Variants in SEPTIN8 observed in about 807,000 individuals in gnomAD.
SEPTIN8 encodes septin 8.
In SEPTIN8, 22 loss-of-function variants were observed where a neutral mutation model predicts 53.1. That is an observed-to-expected ratio of 0.41 (90% CI 0.30 to 0.59). The LOEUF is 0.59. Ranked by LOEUF, SEPTIN8 falls within the 20% of genes least tolerant of loss-of-function variation. SEPTIN8 has a pLI of 0.24. For synonymous variants in SEPTIN8, 228 were observed against 248.4 expected (o/e 0.92, Z 0.77); for missense variants, 536 against 638.7 (o/e 0.84, Z 1.73).
intron 4 of SEPTIN8, among the ~76,000 whole-genome samples, chr5:132,763,439 C>T (rs1756203586): frequency 6.6e-6 from 1 of 152,126 alleles, no homozygotes; most frequent in Admixed American, 6.5e-5. Context: ...GCGGGAGGGG[C>T]TGACAATGAG....
In SEPTIN8 at chr5:132,773,664, T is replaced by C. The variant is rs1036814945; in HGVS notation, c.30+3444A>G. 1.3e-5 allele frequency among the ~76,000 whole-genome samples: 2 copies of C among 152,208 alleles called. No homozygotes were observed. Among genetic ancestry groups the C allele is most frequent in the African/African-American group, 4.8e-5 (2 of 41,460 alleles). On this transcript the variant is annotated intron_variant, in intron 1 of 9. Coordinates refer to ENST00000378719, the MANE Select transcript of SEPTIN8 (RefSeq NM_001098811.2). The surrounding 1 kb of genome is among the most constrained non-coding windows in gnomAD (Gnocchi z 4.2). ...CTGCCCTCCTTGCCATCCAAGGTTT[T>C]TGACACAAGTCAGACCCTGGGTTCC... is the stretch of plus-strand genomic sequence containing the variant.
chr5:132,764,214 C>A lies in SEPTIN8; in HGVS notation c.347+10G>T. Reference sequence around the variant, plus strand: ...GGAGGCTGGGTGGGGCCGCCCTTCCCGCCTCTTGCCTCTCATCCTTATTGA... The same window carrying A: ...GGAGGCTGGGTGGGGCCGCCCTTCCAGCCTCTTGCCTCTCATCCTTATTGA... On this transcript the variant is annotated intron_variant, in intron 3 of 9. Transcript: ENST00000378719. 1 of 1,604,696 alleles carries A rather than the reference C, an allele frequency of 6.2e-7. No individual in the cohort carries two copies. Among genetic ancestry groups the A allele is most frequent in the Non-Finnish European group, 8.5e-7 (1 of 1,174,582 alleles).
chr5:132,777,633 G>A, upstream of SEPTIN8: 1 of 985,482 alleles, frequency 1.0e-6, no homozygotes, highest in Non-Finnish European at 1.2e-6. This position sits in a 1 kb window ranked among gnomAD's most constrained non-coding sequence, Gnocchi z 4.1. Flanking sequence ...CCACCAAGCC[G>A]TCTCCACCCG....
In SEPTIN8 at chr5:132,751,775, A is replaced by C; in HGVS notation, c.*241T>G. 1 of 626,654 alleles carries C rather than the reference A, an allele frequency of 1.6e-6. No individual in the cohort carries two copies. The highest frequency in any genetic ancestry group is 2.2e-5 in the South Asian group (1 of 45,390). The allele number at this position is 626,654 out of a possible 1,614,324, so 38.8% of individuals were successfully genotyped here. ...GACTTTTTTTTTTTTTTGGTCCCGG[A>C]GTGGAAGCTCAGCTTGGCCACAGGA... On this transcript the variant is annotated 3_prime_UTR_variant, in exon 10 of 10. Transcript: ENST00000378719.
chr5:132,765,174 A>G (rs1741031321), intron 2 of SEPTIN8, among the ~76,000 whole-genome samples: 1 of 152,138 alleles, frequency 6.6e-6, no homozygotes, highest in African/African-American at 2.4e-5. Flanking sequence ...CACAGTTTAC[A>G]AAGCACTTTC....
upstream of SEPTIN8, chr5:132,777,845 C>A (rs1467540037): frequency 1.6e-5 from 16 of 985,474 alleles, no homozygotes; most frequent in Non-Finnish European, 1.9e-5. This position sits in a 1 kb window ranked among gnomAD's most constrained non-coding sequence, Gnocchi z 4.1. Context: ...GACCAGCCTT[C>A]GGCTCCTTGT....
chr5:132,758,890 A>T, intron 9 of SEPTIN8: 1 of 1,469,406 alleles, frequency 6.8e-7, no homozygotes, highest in Non-Finnish European at 9.5e-7. Context: ...AGACCAAATC[A>T]AACAGAAGCA....
At chr5:132,768,328 A>G (rs150616419) in intron 1 of SEPTIN8, among the ~76,000 whole-genome samples, 1 of 152,268 alleles carries the variant, frequency 6.6e-6, no homozygotes, top group Admixed American at 6.5e-5. Flanking sequence ...GCACACACAC[A>G]CGTACACACA....
Position 132,765,518 on chromosome 5 carries a change from T to C in SEPTIN8, c.42A>G (p.Pro14=). Residue 14 remains proline (P), a synonymous_variant, in exon 2 of 10, where the codon CCA becomes CCG. Coordinates refer to ENST00000378719, the MANE Select transcript of SEPTIN8 (RefSeq NM_001098811.2). ...CGCCCAGGGAGAGGCTCCGGGGCTC[T>C]GGCTCTGCATTCTGCCAAGAGAGAA... ...TDLERFSNAE[P]EPRSLSLGGH... 1 of 1,598,854 alleles carries C rather than the reference T, an allele frequency of 6.3e-7. No individual in the cohort carries two copies. The highest frequency in any genetic ancestry group is 8.5e-7 in the Non-Finnish European group (1 of 1,174,244).
At chr5:132,774,631 G>A (rs1038057027) in intron 1 of SEPTIN8, among the ~76,000 whole-genome samples, 2 of 152,202 alleles carry the variant, frequency 1.3e-5, no homozygotes, top group African/African-American at 4.8e-5. Context: ...ACCATGCTAT[G>A]TGAGGACACA....
chr5:132,751,512 T>C lies in SEPTIN8; in HGVS notation c.*504A>G, dbSNP rs1377953797. On this transcript the variant is annotated 3_prime_UTR_variant, in exon 10 of 10. Transcript: ENST00000378719. ...TGATTCTGTTAGTAAGGCAAAATTA[T>C]GCAATGTGGAAATCTCATGGGGTTT... is the stretch of plus-strand genomic sequence containing the variant. The C allele has an allele frequency of 1.0e-5, 2 of 194,740 alleles. No homozygotes were observed. Among genetic ancestry groups the C allele is most frequent in the African/African-American group, 2.4e-5 (1 of 42,300 alleles). The allele number at this position is 194,740 out of a possible 1,614,324, so 12.1% of individuals were successfully genotyped here. A position where few individuals can be genotyped will look rare whatever the true frequency, so the allele number is the denominator to read the frequency against.
At chr5:132,756,936 G>C in intron 9 of SEPTIN8, 4 of 985,390 alleles carry the variant, frequency 4.1e-6, no homozygotes, top group Non-Finnish European at 4.8e-6. Flanking sequence ...TATGTTAGCT[G>C]AGAGAGGCTA....
chr5:132,779,545 C>T (rs1353883973), upstream of SEPTIN8, among the ~76,000 whole-genome samples: 3 of 152,354 alleles, frequency 2.0e-5, no homozygotes, highest in East Asian at 1.9e-4. Context: ...GACAAGACTT[C>T]GCTTCAGGAA....
chr5:132,761,004 A>G lies in SEPTIN8; in HGVS notation c.1096-12T>C. ...AACTTCTCATGGAGCTGGCATCAGAAAGGGGGCAGAAGATGCGGGGAGCAA... is the reference window on the plus strand; with the variant it reads ...AACTTCTCATGGAGCTGGCATCAGAGAGGGGGCAGAAGATGCGGGGAGCAA... On this transcript the variant is annotated splice_polypyrimidine_tract_variant and intron_variant, in intron 8 of 9. Transcript: ENST00000378719. The surrounding 1 kb of genome is among the most constrained non-coding windows in gnomAD (Gnocchi z 5.8). 6.3e-7 allele frequency: 1 copy of G among 1,580,484 alleles called. No homozygotes were observed. The highest frequency in any genetic ancestry group is 8.6e-7 in the Non-Finnish European group (1 of 1,163,124).
intron 9 of SEPTIN8, chr5:132,758,201 C>T (rs1755522923): frequency 1.7e-6 from 2 of 1,171,600 alleles, no homozygotes; most frequent in Non-Finnish European, 2.1e-6. Flanking sequence ...ATACTTTATA[C>T]ATAAGAAAGG....
At position 132,751,163 on chromosome 5, in the gene SEPTIN8, C is replaced by A; in HGVS notation, c.*853G>T. 1.5e-6 allele frequency: 1 copy of A among 655,352 alleles called. No homozygotes were observed. The allele number at this position is 655,352 out of a possible 1,614,324, so 40.6% of individuals were successfully genotyped here. A position where few individuals can be genotyped will look rare whatever the true frequency, so the allele number is the denominator to read the frequency against. The stretch of plus-strand genomic sequence containing the variant: ...GACATACGGAAGAGTGAAAAGGTAT[C>A]TTAAATCCAACACAGTTCCACCAGA... On this transcript the variant is annotated 3_prime_UTR_variant, in exon 10 of 10. Coordinates refer to ENST00000378719, the MANE Select transcript of SEPTIN8 (RefSeq NM_001098811.2).
At chr5:132,777,326 A>C (rs1285205842), upstream of SEPTIN8, 5 of 1,070,690 alleles carry the variant, frequency 4.7e-6, no homozygotes, top group Non-Finnish European at 5.6e-6. This position sits in a 1 kb window ranked among gnomAD's most constrained non-coding sequence, Gnocchi z 4.1. Flanking sequence ...CGCCCGCGGG[A>C]CCGGCCTCCC....
Position 132,777,127 on chromosome 5 carries a change from G to T in SEPTIN8, c.11C>A (p.Thr4Asn), listed in dbSNP as rs1256042437. The change falls in exon 1 of 10, where the codon ACC (threonine) becomes AAC (asparagine). Residue 4 changes from threonine to asparagine, a missense_variant. By Grantham distance (65) the Thr-to-Asn change is moderately conservative. Around this residue, in one of 3 missense-constraint regions of SEPTIN8, gnomAD observed 395 missense variants for 451.8 expected, o/e 0.87. Coordinates refer to ENST00000378719, the MANE Select transcript of SEPTIN8 (RefSeq NM_001098811.2). This position sits in a 1 kb window ranked among gnomAD's most constrained non-coding sequence, Gnocchi z 4.1. ...CCTCACCGAGAAGCGCTCCAGGTCG[G>T]TGGCCGCCATGGCGAGCTCCGCACC... MAA[T>N]DLERFSNAEP... The T allele has an allele frequency of 3.4e-6, 4 of 1,170,318 alleles. No homozygotes were observed. The highest frequency in any genetic ancestry group is 4.2e-6 in the Non-Finnish European group (4 of 948,230). 72.5% of individuals were successfully genotyped at this position (1,170,318 alleles called of 1,614,324 possible).
chr5:132,764,575 C>G (rs914055672), intron 2 of SEPTIN8, among the ~76,000 whole-genome samples, 156 bp from the exon 3 acceptor site: 1 of 152,208 alleles, frequency 6.6e-6, no homozygotes, highest in African/African-American at 2.4e-5. Flanking sequence ...CACCCCCATT[C>G]CCCAGGAACT....
Sources: gnomAD v4.1 joint callset for allele counts (sites outside exome capture counted in the v4.1 genomes callset) on GRCh38, gnomAD v4.1.1 for gene constraint, gnomAD v4.1.1 regional missense constraint, Gnocchi (gnomAD v3.1) non-coding constraint, MANE v1.5 for transcripts, NCBI Gene and HGNC (gene_info 2026-07-23, HGNC 2026-07-21) for gene names.